ADRA1A: variants seen among roughly 807,000 people sequenced by gnomAD.
ADRA1A encodes the protein alpha-1A adrenergic receptor.
Under a neutral mutation model 29.6 loss-of-function variants are expected in ADRA1A, and 31 were observed. That is an observed-to-expected ratio of 1.05 (90% CI 0.79 to 1.41). The LOEUF is 1.41. ADRA1A is among the 40% of genes most tolerant of loss of function. The pLI is 0.00. For missense variants in ADRA1A, 619 were observed against 601.1 expected, an observed-to-expected ratio of 1.03 and a Z score of -0.31; for synonymous variants, 311 against 254.3, an observed-to-expected ratio of 1.22 and a Z score of -2.12.
chr8:26,824,207 C>T (rs1285819344), intron 2 of ADRA1A, among the ~76,000 whole-genome samples: 3 of 151,770 alleles, frequency 2.0e-5, no homozygotes, highest in Admixed American at 2.0e-4. Flanking sequence ...TTCAGAAGAG[C>T]CAGCATTTTT....
At chr8:26,755,908 T>C (rs909347083), downstream of ADRA1A, among the ~76,000 whole-genome samples, 4 of 152,244 alleles carry the variant, frequency 2.6e-5, no homozygotes, top group Non-Finnish European at 5.9e-5. Flanking sequence ...TTCATGTCTA[T>C]GAATGTTCTA....
At chr8:26,855,584 TG>T (rs1040724345) in intron 2 of ADRA1A, among the ~76,000 whole-genome samples, 11 of 151,926 alleles carry the variant, frequency 7.2e-5, no homozygotes, top group Non-Finnish European at 1.6e-4. Flanking sequence ...TGTTGGGGGT[TG>T]GGGGGCAAGA....
intron 2 of ADRA1A, among the ~76,000 whole-genome samples, chr8:26,749,868 C>A (rs1252321489): frequency 2.0e-5 from 3 of 152,192 alleles, no homozygotes; most frequent in African/African-American, 7.2e-5. Flanking sequence ...GCTTTACGAT[C>A]AGGGCCCCCC....
In ADRA1A at chr8:26,861,313, T is replaced by TTG. The variant is rs1813445564; in HGVS notation, c.883+2773_883+2774insCA. Among the ~76,000 whole-genome samples, 4 of 148,030 alleles carry TTG rather than the reference T, an allele frequency of 2.7e-5. 1 individual carries two copies. The South Asian group carries it at 8.8e-4, about 32-fold the overall frequency. On this transcript the variant is annotated intron_variant, in intron 2 of 2. Transcript: ENST00000380573. ...ACCCCCAGAGGCTCTGTTTTTTTTT[T>TTG]TTTTTTTTTTAGATGGAGCCTCGCT... is the stretch of plus-strand genomic sequence containing the variant.
chr8:26,849,311 G>A (rs895854337), intron 2 of ADRA1A, among the ~76,000 whole-genome samples: 3 of 152,196 alleles, frequency 2.0e-5, no homozygotes, highest in African/African-American at 7.2e-5. Flanking sequence ...GGGCCAGCTT[G>A]TCAAAGGTAA....
At position 26,823,576 on chromosome 8, in the gene ADRA1A, G is replaced by A. The variant is rs963815134; in HGVS notation, c.883+40511C>T. The stretch of plus-strand genomic sequence containing the variant: ...CAAATGCACTGGTTCGGGGAGCGCT[G>A]GGCTAAGGATCAGGCTGCTTGGGCT... On this transcript the variant is annotated intron_variant, in intron 2 of 2. Transcript: ENST00000380573. The surrounding 1 kb of genome is among the most constrained non-coding windows in gnomAD (Gnocchi z 4.2). Among the ~76,000 whole-genome samples the A allele has an allele frequency of 1.3e-5, 2 of 152,190 alleles. No homozygotes were observed. Among genetic ancestry groups the A allele is most frequent in the East Asian group, 1.9e-4 (1 of 5,196 alleles).
At chr8:26,852,877 A>G (rs1031058577) in intron 2 of ADRA1A, among the ~76,000 whole-genome samples, 1 of 152,178 alleles carries the variant, frequency 6.6e-6, no homozygotes, top group African/African-American at 2.4e-5. Flanking sequence ...AAAACAATAG[A>G]CTCATTTCAC....
intron 2 of ADRA1A, among the ~76,000 whole-genome samples, chr8:26,781,690 A>G (rs1806993513): frequency 6.6e-6 from 1 of 152,246 alleles, no homozygotes; most frequent in Non-Finnish European, 1.5e-5. Context: ...GTCCTGGAAG[A>G]AGGGTTGAAG....
In ADRA1A at chr8:26,768,982, G is replaced by A; in HGVS notation, c.*1167C>T. Reference sequence around the variant, plus strand: ...TGTTTGCAAACTCCTGCGTTAGACAGTTCTTTGGTGATCCATCAGTATTGT... The same window carrying A: ...TGTTTGCAAACTCCTGCGTTAGACAATTCTTTGGTGATCCATCAGTATTGT... On this transcript the variant is annotated 3_prime_UTR_variant, in exon 3 of 3. Coordinates refer to ENST00000380573, the MANE Select transcript of ADRA1A (RefSeq NM_000680.4). 1 of 985,412 alleles carries A rather than the reference G, an allele frequency of 1.0e-6. No individual in the cohort carries two copies. Among genetic ancestry groups the A allele is most frequent in the Non-Finnish European group, 1.2e-6 (1 of 829,882 alleles). 61.0% of individuals were successfully genotyped at this position (985,412 alleles called of 1,614,324 possible).
chr8:26,827,813 C>A (rs1810689596), intron 2 of ADRA1A, among the ~76,000 whole-genome samples: 1 of 152,158 alleles, frequency 6.6e-6, no homozygotes, highest in Non-Finnish European at 1.5e-5. Flanking sequence ...TTTCAACATA[C>A]AAATTTGGGG....
At chr8:26,851,849 GTA>G (rs142602715) in intron 2 of ADRA1A, among the ~76,000 whole-genome samples, 9,178 of 152,008 alleles carry the variant, frequency 0.06, 308 homozygotes, top group Non-Finnish European at 0.075. Flanking sequence ...GGCAAGTAAA[GTA>G]TATAATAGAT....
chr8:26,812,189 A>G (rs1809441054), intron 2 of ADRA1A, among the ~76,000 whole-genome samples: 1 of 152,168 alleles, frequency 6.6e-6, no homozygotes, highest in Non-Finnish European at 1.5e-5. Flanking sequence ...TGCAAAAACC[A>G]TGTTTTTTCC....
Position 26,815,422 on chromosome 8 carries a change from G to A in ADRA1A, c.884-44756C>T, listed in dbSNP as rs1003852697. The stretch of plus-strand genomic sequence containing the variant: ...AAAACAAGAGGTAGCAAAAACCTAA[G>A]TATTAATGTAACACTGATTTCAAGC... On this transcript the variant is annotated intron_variant, in intron 2 of 2. Transcript: ENST00000380573. This position sits in a 1 kb window ranked among gnomAD's most constrained non-coding sequence, Gnocchi z 4.2. Among the ~76,000 whole-genome samples, 4 of 152,208 alleles carry A rather than the reference G, an allele frequency of 2.6e-5. No homozygotes were observed. Among genetic ancestry groups the A allele is most frequent in the East Asian group, 3.8e-4 (2 of 5,196 alleles).
rs140950299 is a variant in ADRA1A, at chr8:26,864,558, C to G, written c.412G>C (p.Val138Leu). ...VSYPLRYPTI[V>L]TQRRGLMALL... The stretch of plus-strand genomic sequence containing the variant: ...GCCATGAGACCCCTCCTCTGGGTGA[C>G]GATGGTTGGGTAGCGCAGCGGGTAG... The change falls in exon 2 of 3, where the codon GTC becomes CTC. Residue 138 changes from valine (V) to leucine (L), a missense_variant. Transcript: ENST00000380573. The surrounding 1 kb of genome is among the most constrained non-coding windows in gnomAD (Gnocchi z 8.1). 2 of 1,613,918 alleles carry G rather than the reference C, an allele frequency of 1.2e-6. No individual in the cohort carries two copies. Among genetic ancestry groups the G allele is most frequent in the African/African-American group, 2.7e-5 (2 of 74,902 alleles).
intron 2 of ADRA1A, among the ~76,000 whole-genome samples, chr8:26,800,721 A>T (rs1808514569): frequency 6.6e-6 from 1 of 152,160 alleles, no homozygotes; most frequent in Admixed American, 6.6e-5. Flanking sequence ...TATTTCAAAA[A>T]ATAGAAGAAG....
chr8:26,816,428 C>T (rs944088426), intron 2 of ADRA1A, among the ~76,000 whole-genome samples: 4 of 152,212 alleles, frequency 2.6e-5, no homozygotes, highest in African/African-American at 9.6e-5. Context: ...TCAGAGCCCA[C>T]CCATGTGCTG....
intron 2 of ADRA1A, among the ~76,000 whole-genome samples, chr8:26,845,487 A>G (rs1320003919): frequency 6.6e-6 from 1 of 152,210 alleles, no homozygotes; most frequent in Non-Finnish European, 1.5e-5. Flanking sequence ...GCTGGTGGGT[A>G]TGTAAACTGG....
chr8:26,811,901 A>G (rs1339478353), intron 2 of ADRA1A, among the ~76,000 whole-genome samples: 1 of 152,236 alleles, frequency 6.6e-6, no homozygotes, highest in African/African-American at 2.4e-5. Context: ...TGTTATATGC[A>G]TCAGTGCTTT....
chr8:26,820,335 A>ACCACAGGATATAT (rs1325784021), intron 2 of ADRA1A, among the ~76,000 whole-genome samples: 1 of 152,238 alleles, frequency 6.6e-6, no homozygotes. Context: ...TAGATCATAT[A>ACCACAGGATATAT]CTGGACCACA....
Sources: gnomAD v4.1 joint callset for allele counts (sites outside exome capture counted in the v4.1 genomes callset) on GRCh38, gnomAD v4.1.1 for gene constraint, Gnocchi (gnomAD v3.1) non-coding constraint, MANE v1.5 for transcripts, NCBI Gene and HGNC (gene_info 2026-07-23, HGNC 2026-07-21) for gene names.